PACRG: variants seen among roughly 807,000 people sequenced by gnomAD.
PACRG encodes parkin coregulated gene protein.
PACRG carries 29 observed loss-of-function variants against 29.7 expected under a neutral mutation model. That is an observed-to-expected ratio of 0.98 (90% CI 0.73 to 1.33). PACRG has a LOEUF of 1.33. Among genes scored for constraint, PACRG ranks in the 40% most tolerant of loss-of-function variants. The probability of loss-of-function intolerance (pLI) is 0.00; values close to 1 mark genes in which losing one functional copy is unlikely to be tolerated. For synonymous variants in PACRG, 116 were observed against 118.7 expected, an observed-to-expected ratio of 0.98 and a Z score of 0.15; for missense variants, 279 against 316.2, an observed-to-expected ratio of 0.88 and a Z score of 0.89.
intron 2 of PACRG, among the ~76,000 whole-genome samples, chr6:162,871,811 G>A (rs942054464): frequency 2.0e-5 from 3 of 152,032 alleles, no homozygotes; most frequent in South Asian, 4.2e-4. Flanking sequence ...CCAGCTACTC[G>A]GGAGGCTGAG....
intron 2 of PACRG, among the ~76,000 whole-genome samples, chr6:162,938,145 C>T (rs1438778275): frequency 6.6e-6 from 1 of 152,172 alleles, no homozygotes; most frequent in African/African-American, 2.4e-5. Context: ...TGAGAACACA[C>T]AATGTTTGGT....
chr6:163,173,609 G>A (rs147249933), intron 4 of PACRG, among the ~76,000 whole-genome samples: 3 of 152,142 alleles, frequency 2.0e-5, no homozygotes, highest in African/African-American at 4.8e-5. Context: ...CACGCTCTCC[G>A]CTCTCCCCCG....
intron 2 of PACRG, among the ~76,000 whole-genome samples, chr6:162,979,155 G>A (rs1802202269): frequency 6.6e-6 from 1 of 152,088 alleles, no homozygotes; most frequent in African/African-American, 2.4e-5. Context: ...AAGCTTTAAA[G>A]CTAATTCAAC....
At chr6:163,010,334 G>A (rs879109030) in intron 2 of PACRG, among the ~76,000 whole-genome samples, 6 of 152,214 alleles carry the variant, frequency 3.9e-5, no homozygotes, top group Admixed American at 3.3e-4. Flanking sequence ...TCCCTCAGAA[G>A]CACCAGGGAG....
At chr6:163,305,433 C>T (rs1562369763) in intron 4 of PACRG, among the ~76,000 whole-genome samples, 2 of 152,164 alleles carry the variant, frequency 1.3e-5, no homozygotes, top group South Asian at 2.1e-4. Flanking sequence ...ACCAGGCGTC[C>T]GTCCACTAAG....
intron 2 of PACRG, among the ~76,000 whole-genome samples, chr6:162,885,373 G>A (rs1451719587): frequency 2.6e-5 from 4 of 151,772 alleles, no homozygotes; most frequent in African/African-American, 7.3e-5. Context: ...GGGTTCAAGC[G>A]ATTCTCCTGC....
At chr6:163,277,246 C>T (rs1268800670) in intron 4 of PACRG, among the ~76,000 whole-genome samples, 7 of 151,818 alleles carry the variant, frequency 4.6e-5, no homozygotes, top group Non-Finnish European at 1.0e-4. Context: ...GTCTTGTATC[C>T]CTCACCACCA....
intron 2 of PACRG, among the ~76,000 whole-genome samples, chr6:163,040,979 G>T (rs1808636993): frequency 6.6e-6 from 1 of 152,188 alleles, no homozygotes; most frequent in Admixed American, 6.5e-5. Flanking sequence ...AGATTTGGGA[G>T]GGGCCGGGGC....
chr6:163,062,247 G>T lies in PACRG; in HGVS notation c.389G>T (p.Gly130Val), dbSNP rs374040289. Residue 130 changes from glycine to valine, a missense_variant, in exon 3 of 5, where the codon GGA (glycine) becomes GTA (valine). Gly to Val is a moderately radical substitution (Grantham distance 109). Transcript: ENST00000366888. ...CCCTATGAGTTTTTTGCTCGGCAAG[G>T]AATCCACGACATGCTGGAACACGGT... ...TFPYEFFARQ[G>V]IHDMLEHGGN... The T allele has an allele frequency of 6.8e-5, 110 of 1,613,980 alleles. No homozygotes were observed. Among genetic ancestry groups the T allele is most frequent in the Non-Finnish European group, 8.9e-5 (105 of 1,180,030 alleles).
chr6:163,042,429 A>C (rs534900156), intron 2 of PACRG: 1 of 152,456 alleles, frequency 6.6e-6, no homozygotes, highest in East Asian at 1.9e-4. Context: ...GAATCTGGAG[A>C]ATGACCCTCT....
At chr6:163,221,293 C>G (rs999505914) in intron 4 of PACRG, among the ~76,000 whole-genome samples, 4 of 152,214 alleles carry the variant, frequency 2.6e-5, no homozygotes, top group African/African-American at 9.6e-5. Context: ...CAGGAAGCCA[C>G]TGGGTCCTTA....
At chr6:162,844,416 C>T (rs543306400) in intron 2 of PACRG, among the ~76,000 whole-genome samples, 48 of 152,360 alleles carry the variant, frequency 3.2e-4, no homozygotes, top group Admixed American at 1.2e-3. Flanking sequence ...TGACCCCTTG[C>T]GCTTCCCAAG....
At chr6:163,115,531 G>A (rs796794401) in intron 4 of PACRG, among the ~76,000 whole-genome samples, 2 of 152,028 alleles carry the variant, frequency 1.3e-5, no homozygotes, top group African/African-American at 4.8e-5. Flanking sequence ...GTTCCCCCAC[G>A]CCCCTACCCT....
chr6:163,060,238 A>C (rs779110631), intron 2 of PACRG, among the ~76,000 whole-genome samples: 16 of 152,164 alleles, frequency 1.1e-4, no homozygotes, highest in Non-Finnish European at 1.5e-4. Context: ...TACAAGAAAC[A>C]CTTGTAAAAG....
chr6:162,996,797 G>GT (rs911915854), intron 2 of PACRG, among the ~76,000 whole-genome samples: 5 of 152,060 alleles, frequency 3.3e-5, no homozygotes, highest in Admixed American at 2.6e-4. Flanking sequence ...TTCTTCTCTT[G>GT]TTTTTCAAAT....
intron 3 of PACRG, among the ~76,000 whole-genome samples, chr6:163,065,987 A>T (rs1331931162): frequency 3.3e-5 from 5 of 152,224 alleles, no homozygotes; most frequent in African/African-American, 1.2e-4. Flanking sequence ...AAGAGGAACT[A>T]TCAGAGCGAC....
At chr6:163,175,603 G>A (rs763887563) in intron 4 of PACRG, among the ~76,000 whole-genome samples, 6 of 152,002 alleles carry the variant, frequency 3.9e-5, no homozygotes, top group Non-Finnish European at 8.8e-5. Context: ...AGCTGCTGGG[G>A]TGCATAAGGG....
upstream of PACRG, chr6:162,727,595 G>A (rs1584139312): frequency 3.3e-6 from 5 of 1,510,164 alleles, no homozygotes; most frequent in Non-Finnish European, 4.5e-6. Flanking sequence ...CGGCCGAGGC[G>A]GGGCGTGGCG....
chr6:163,217,847 G>A (rs1000692310), intron 4 of PACRG, among the ~76,000 whole-genome samples: 2 of 151,966 alleles, frequency 1.3e-5, no homozygotes, highest in Admixed American at 1.3e-4. Flanking sequence ...GGACCATCTA[G>A]TTGCAGGAAG....
Sources: allele counts gnomAD v4.1 joint callset (sites outside exome capture counted in the v4.1 genomes callset), GRCh38; gene constraint gnomAD v4.1.1; transcripts MANE v1.5; gene names NCBI Gene and HGNC (gene_info 2026-07-23, HGNC 2026-07-21).